The following BIN3 variants were observed in gnomAD, a reference collection of about 807,000 sequenced individuals.
The protein encoded by BIN3 is bridging integrator 3.
In BIN3, 41 loss-of-function variants were observed where a neutral mutation model predicts 38.2. That is an observed-to-expected ratio of 1.07 (90% CI 0.84 to 1.39). The LOEUF (loss-of-function observed/expected upper bound fraction) is 1.39, where lower values mean the gene tolerates loss of function less well. BIN3 is among the 40% of genes most tolerant of loss of function. BIN3 has a pLI of 0.00. For missense variants in BIN3, 361 were observed against 324.3 expected (o/e 1.11, Z -0.87); for synonymous variants, 145 against 122.6 (o/e 1.18, Z -1.21).
chr8:22,651,001 C>T (rs1253071570), intron 1 of BIN3, among the ~76,000 whole-genome samples: 1 of 152,160 alleles, frequency 6.6e-6, no homozygotes, highest in African/African-American at 2.4e-5. Flanking sequence ...TCAGTCAAAG[C>T]TTTAGGGCAT....
At chr8:22,633,052 AG>A (rs1386339776) in intron 4 of BIN3, among the ~76,000 whole-genome samples, 1 of 152,146 alleles carries the variant, frequency 6.6e-6, no homozygotes, top group South Asian at 2.1e-4. Context: ...TTGCATTGTC[AG>A]GAAGTCAAGG....
At chr8:22,649,787 G>C (rs1243703858) in intron 1 of BIN3, among the ~76,000 whole-genome samples, 1 of 137,380 alleles carries the variant, frequency 7.3e-6, no homozygotes, top group Middle Eastern at 3.8e-3. Flanking sequence ...TAAAAACCTG[G>C]AAGAGATAGA....
chr8:22,623,853 T>A, intron 8 of BIN3, 62 bp downstream of exon 8: 1 of 1,561,952 alleles, frequency 6.4e-7, no homozygotes, highest in Non-Finnish European at 8.7e-7. Context: ...CCAGTGTGGG[T>A]GACAGGGAGT....
At chr8:22,656,932 G>A (rs1203017655) in intron 1 of BIN3, among the ~76,000 whole-genome samples, 6 of 152,164 alleles carry the variant, frequency 3.9e-5, no homozygotes, top group Admixed American at 2.6e-4. Flanking sequence ...TGAATGTCCT[G>A]CTTTCTGATT....
intron 1 of BIN3, among the ~76,000 whole-genome samples, chr8:22,651,278 A>G (rs1802880641): frequency 6.6e-6 from 1 of 152,164 alleles, no homozygotes; most frequent in East Asian, 1.9e-4. Flanking sequence ...CTCTGGTTTC[A>G]ACACATTCAT....
At chr8:22,642,493 C>T (rs571945418) in intron 2 of BIN3, among the ~76,000 whole-genome samples, 3 of 152,316 alleles carry the variant, frequency 2.0e-5, no homozygotes, top group Non-Finnish European at 4.4e-5. Context: ...AAAGGCCCAG[C>T]CGACTTTTGT....
At chr8:22,634,228 A>T (rs1563955529) in intron 4 of BIN3, among the ~76,000 whole-genome samples, 1 of 152,258 alleles carries the variant, frequency 6.6e-6, no homozygotes, top group African/African-American at 2.4e-5. Flanking sequence ...ACTACAAAAC[A>T]AACAACTGCA....
At chr8:22,621,612 C>T (rs775563406) in intron 8 of BIN3, 44 bp from the exon 9 acceptor site, 6 of 1,593,360 alleles carry the variant, frequency 3.8e-6, no homozygotes, top group Non-Finnish European at 5.2e-6. Context: ...CTCCAGGGAA[C>T]CGTGTGCTTC....
chr8:22,655,295 A>T (rs1803020218), intron 1 of BIN3, among the ~76,000 whole-genome samples: 1 of 147,704 alleles, frequency 6.8e-6, no homozygotes, highest in African/African-American at 2.7e-5. Flanking sequence ...AGTCCAATTT[A>T]TCTGTTTTTT....
intron 6 of BIN3, among the ~76,000 whole-genome samples, chr8:22,627,464 G>C (rs1217491189): frequency 6.6e-6 from 1 of 152,178 alleles, no homozygotes; most frequent in African/African-American, 2.4e-5. Flanking sequence ...GGGATCTCAG[G>C]TCAGGGCTCA....
At chr8:22,644,603 T>C in intron 2 of BIN3, 152 bp downstream of exon 2, 1 of 710,594 alleles carries the variant, frequency 1.4e-6, no homozygotes, top group Non-Finnish European at 2.5e-6. Context: ...TAAGCCTCAG[T>C]CTATGTGAGG....
chr8:22,638,789 A>C lies in BIN3; in HGVS notation c.58-1827T>G, dbSNP rs550697953. ...GAACCTTCCACAAAACTGTGAAGTA[A>C]AACCCACCATTGGTGCCCCCGCCTC... On this transcript the variant is annotated intron_variant, in intron 2 of 8. Coordinates refer to ENST00000276416, the MANE Select transcript of BIN3 (RefSeq NM_018688.6). 2.0e-5 allele frequency among the ~76,000 whole-genome samples: 3 copies of C among 152,338 alleles called. No homozygotes were observed. The East Asian group carries it at 5.8e-4, about 29-fold the overall frequency.
In BIN3 at chr8:22,630,584, G is replaced by A; in HGVS notation, c.161-6C>T. On this transcript the variant is annotated splice_region_variant and splice_polypyrimidine_tract_variant and intron_variant, in intron 4 of 8. Coordinates refer to ENST00000276416, the MANE Select transcript of BIN3 (RefSeq NM_018688.6). ...CACGGCAGATTTTGACATGGCTGTG[G>A]GAAGCCAAAGCTCGGTGAACCTTCT... 6.2e-7 allele frequency: 1 copy of A among 1,613,790 alleles called. No individual in the cohort carries two copies. The highest frequency in any genetic ancestry group is 1.1e-5 in the South Asian group (1 of 91,048).
At chr8:22,633,263 A>G (rs537680264) in intron 4 of BIN3, among the ~76,000 whole-genome samples, 51 of 152,246 alleles carry the variant, frequency 3.3e-4, no homozygotes, top group African/African-American at 1.2e-3. Context: ...TGAGCCCAGG[A>G]GTTCGAGACC....
At chr8:22,628,486 G>A (rs1159131374) in intron 6 of BIN3, among the ~76,000 whole-genome samples, 1 of 152,220 alleles carries the variant, frequency 6.6e-6, no homozygotes, top group Non-Finnish European at 1.5e-5. Context: ...GAGGGCTCAT[G>A]CAGAGGTCAG....
At chr8:22,659,035 C>T (rs1803148208) in intron 1 of BIN3, among the ~76,000 whole-genome samples, 1 of 152,242 alleles carries the variant, frequency 6.6e-6, no homozygotes, top group African/African-American at 2.4e-5. Flanking sequence ...CACAAGGCCA[C>T]CACCACCTTA....
Position 22,654,653 on chromosome 8 carries a change from C to G in BIN3, c.9-9850G>C, listed in dbSNP as rs142197754. Among the ~76,000 whole-genome samples, 472 of 152,306 alleles carry G rather than the reference C, an allele frequency of 3.1e-3. 5 individuals are homozygous for G. Among genetic ancestry groups the G allele is most frequent in the African/African-American group, 0.011 (452 of 41,576 alleles). Reference sequence around the variant, plus strand: ...AGGTCATCCATGTCATAGCATATATCAGTACTTCATCCTTTTATTTTTTTA... The same window carrying G: ...AGGTCATCCATGTCATAGCATATATGAGTACTTCATCCTTTTATTTTTTTA... On this transcript the variant is annotated intron_variant, in intron 1 of 8. Transcript: ENST00000276416.
chr8:22,662,274 C>A (rs1366711381), intron 1 of BIN3, among the ~76,000 whole-genome samples: 7 of 152,334 alleles, frequency 4.6e-5, no homozygotes, highest in East Asian at 1.9e-4. Flanking sequence ...CCAATATACA[C>A]CCCCTCCTGC....
At chr8:22,667,551 G>C (rs1803461562) in intron 1 of BIN3, among the ~76,000 whole-genome samples, 1 of 152,200 alleles carries the variant, frequency 6.6e-6, no homozygotes, top group Admixed American at 6.5e-5. Flanking sequence ...TGCAAGACTG[G>C]GGGGCCCAGA....
Sources: gnomAD v4.1 joint callset for allele counts (sites outside exome capture counted in the v4.1 genomes callset) on GRCh38, gnomAD v4.1.1 for gene constraint, MANE v1.5 for transcripts, NCBI Gene and HGNC (gene_info 2026-07-23, HGNC 2026-07-21) for gene names.